Variants in ITCH observed in about 807,000 individuals in gnomAD.
ITCH encodes the protein itchy E3 ubiquitin protein ligase, also known as E3 ubiquitin-protein ligase Itchy homolog.
In ITCH, 28 loss-of-function variants were observed where a neutral mutation model predicts 126.8. That is an observed-to-expected ratio of 0.22 (90% CI 0.16 to 0.30). The LOEUF (loss-of-function observed/expected upper bound fraction) is 0.30, where lower values mean the gene tolerates loss of function less well. ITCH is among the 10% of genes least tolerant of loss of function. The pLI is 1.00. For missense variants in ITCH, 631 were observed against 1,032.4 expected (o/e 0.61, Z 5.33); for synonymous variants, 342 against 340.0 (o/e 1.01, Z -0.06).
At chr20:34,380,035 T>A (rs576368540) in intron 2 of ITCH, among the ~76,000 whole-genome samples, 6 of 151,998 alleles carry the variant, frequency 3.9e-5, no homozygotes, top group African/African-American at 1.4e-4. Flanking sequence ...TAGCTGGAAC[T>A]ACAGGTGTGT....
In ITCH at chr20:34,372,437, G is replaced by A. The variant is rs185486731; in HGVS notation, c.-22+2967G>A. 4.4e-3 allele frequency among the ~76,000 whole-genome samples: 570 copies of A among 129,532 alleles called. 4 individuals are homozygous for A. Among genetic ancestry groups the A allele is most frequent in the Non-Finnish European group, 6.5e-3 (420 of 64,366 alleles). The allele number at this position is 129,532 out of a possible 152,430, so 85.0% of individuals were successfully genotyped here. ...ACTCTGTCACCCAGGCTGGAGTGCA[G>A]TGGCGCAATCTCAGCTCACTGCAAC... is the stretch of plus-strand genomic sequence containing the variant. On this transcript the variant is annotated intron_variant, in intron 2 of 24. Transcript: ENST00000374864.
chr20:34,417,366 G>A, intron 6 of ITCH: 1 of 295,876 alleles, frequency 3.4e-6, no homozygotes, highest in East Asian at 7.2e-5. Flanking sequence ...CAAAGTTGCT[G>A]GGATTACAGG....
chr20:34,455,923 C>T (rs1229742312), intron 12 of ITCH, among the ~76,000 whole-genome samples: 2 of 151,726 alleles, frequency 1.3e-5, no homozygotes, highest in African/African-American at 4.8e-5. Flanking sequence ...AATTAGAGAA[C>T]TGAGTTCTGC....
chr20:34,401,384 A>C (rs1038661680), intron 3 of ITCH, among the ~76,000 whole-genome samples: 1 of 152,144 alleles, frequency 6.6e-6, no homozygotes, highest in African/African-American at 2.4e-5. Flanking sequence ...TAGTGAAAGA[A>C]GTTAAGAAAT....
At chr20:34,492,350 T>C (rs1489750165) in intron 22 of ITCH, 151 bp from the exon 23 acceptor site, 5 of 566,556 alleles carry the variant, frequency 8.8e-6, no homozygotes, top group Non-Finnish European at 1.3e-5. Context: ...TCAGCTATGA[T>C]TGCATCACTG....
chr20:34,471,777 TTGTGTG>T (rs10667439), intron 16 of ITCH, among the ~76,000 whole-genome samples: 3 of 53,832 alleles, frequency 5.6e-5, no homozygotes, highest in Non-Finnish European at 1.3e-4. Flanking sequence ...GATAATAGGT[TTGTGTG>T]TGTGTGTGTG....
chr20:34,437,158 G>C (rs921457192), intron 7 of ITCH, among the ~76,000 whole-genome samples: 1 of 151,924 alleles, frequency 6.6e-6, no homozygotes, highest in Non-Finnish European at 1.5e-5. Context: ...AAAAAACTAT[G>C]TGAGGAGAGA....
intron 23 of ITCH, among the ~76,000 whole-genome samples, chr20:34,497,189 G>T (rs1477039764): frequency 6.6e-6 from 1 of 151,898 alleles, no homozygotes; most frequent in Non-Finnish European, 1.5e-5. Flanking sequence ...TAGAGATAGG[G>T]TTTCTCTATG....
At chr20:34,408,868 T>C (rs1430636442) in intron 4 of ITCH, 76 bp downstream of exon 4, 1 of 1,495,516 alleles carries the variant, frequency 6.7e-7, no homozygotes, top group Admixed American at 1.8e-5. Context: ...AAAATGTTTC[T>C]CACTTTGGTT....
intron 20 of ITCH, among the ~76,000 whole-genome samples, chr20:34,487,242 G>GACCTCGTGATCCCCTC (rs1253095645): frequency 2.0e-5 from 3 of 151,940 alleles, no homozygotes; most frequent in Non-Finnish European, 4.4e-5. Context: ...TCAATCTCCT[G>GACCTCGTGATCCCCTC]ACCTCGTGAT....
intron 16 of ITCH, chr20:34,476,295 C>T (rs527268400): frequency 1.1e-6 from 1 of 904,888 alleles, no homozygotes; most frequent in African/African-American, 1.6e-5. Flanking sequence ...CTGAGCTGCT[C>T]CGCGCCCCTG....
At chr20:34,482,143 A>C (rs1162029954) in intron 20 of ITCH, among the ~76,000 whole-genome samples, 21 of 152,210 alleles carry the variant, frequency 1.4e-4, no homozygotes, top group Admixed American at 1.4e-3. Flanking sequence ...CTCTTACAAC[A>C]CATGGGAATT....
chr20:34,375,151 C>T (rs2037788128), intron 2 of ITCH, among the ~76,000 whole-genome samples: 1 of 151,712 alleles, frequency 6.6e-6, no homozygotes, highest in East Asian at 1.9e-4. Context: ...AAGCAATTCT[C>T]CTGCCTCAGC....
intron 7 of ITCH, among the ~76,000 whole-genome samples, chr20:34,434,818 A>G (rs565850456): frequency 2.0e-5 from 3 of 152,342 alleles, no homozygotes; most frequent in Non-Finnish European, 4.4e-5. Context: ...TTTCTAAACA[A>G]TATAGATAAC....
At chr20:34,487,939 C>CA (rs973238971) in intron 20 of ITCH, among the ~76,000 whole-genome samples, 6 of 150,736 alleles carry the variant, frequency 4.0e-5, no homozygotes, top group East Asian at 1.9e-4. Flanking sequence ...GACTTCGTCT[C>CA]AAAAAAAAAG....
At position 34,373,077 on chromosome 20, in the gene ITCH, C is replaced by T. The variant is rs1298809564; in HGVS notation, c.-22+3607C>T. On this transcript the variant is annotated intron_variant, in intron 2 of 24. Transcript: ENST00000374864. ...GCAGCCTCCACCCACTGGGTTCAAG[C>T]GATTCTCCTGCCTGAGTCTCCCAAG... 3.3e-5 allele frequency among the ~76,000 whole-genome samples: 5 copies of T among 151,142 alleles called. No homozygotes were observed. The South Asian group carries it at 1.0e-3, about 32-fold the overall frequency.
intron 10 of ITCH, among the ~76,000 whole-genome samples, chr20:34,445,053 T>C (rs1159720370): frequency 6.6e-6 from 1 of 152,246 alleles, no homozygotes; most frequent in East Asian, 1.9e-4. Context: ...TAATGACTGT[T>C]TGAGACTTAC....
chr20:34,402,959 C>T (rs2038937568), intron 3 of ITCH, among the ~76,000 whole-genome samples: 1 of 151,744 alleles, frequency 6.6e-6, no homozygotes, highest in African/African-American at 2.4e-5. Flanking sequence ...TATTACAGTG[C>T]AATATATTTA....
chr20:34,368,765 C>T (rs528840783), intron 1 of ITCH, among the ~76,000 whole-genome samples: 5 of 152,186 alleles, frequency 3.3e-5, no homozygotes, highest in African/African-American at 4.8e-5. Context: ...CCTTGGTGTG[C>T]GTTTTCTTTT....
Sources: gnomAD v4.1 joint callset for allele counts (sites outside exome capture counted in the v4.1 genomes callset) on GRCh38, gnomAD v4.1.1 for gene constraint, MANE v1.5 for transcripts, NCBI Gene and HGNC (gene_info 2026-07-23, HGNC 2026-07-21) for gene names.